The following SLC25A21 variants were observed in gnomAD, a reference collection of about 807,000 sequenced individuals.
SLC25A21 encodes mitochondrial 2-oxodicarboxylate carrier.
SLC25A21 carries 47 observed loss-of-function variants against 43.8 expected under a neutral mutation model. That is an observed-to-expected ratio of 1.07 (90% confidence interval 0.85 to 1.37). The LOEUF is 1.37. Among genes scored for constraint, SLC25A21 ranks in the 40% most tolerant of loss-of-function variants. The probability of loss-of-function intolerance (pLI) is 0.00; values close to 1 mark genes in which losing one functional copy is unlikely to be tolerated. For missense variants in SLC25A21, 352 were observed against 350.2 expected, an observed-to-expected ratio of 1.00 and a Z score of -0.04; for synonymous variants, 131 against 121.3, an observed-to-expected ratio of 1.08 and a Z score of -0.52.
intron 2 of SLC25A21, among the ~76,000 whole-genome samples, chr14:36,844,119 A>G (rs77562269): frequency 9.2e-5 from 14 of 152,348 alleles, no homozygotes; most frequent in Non-Finnish European, 1.9e-4. Context: ...TTAGGTGGGC[A>G]TATAGGCAGA....
chr14:36,905,996 G>A (rs1048221646), intron 1 of SLC25A21, among the ~76,000 whole-genome samples: 6 of 152,114 alleles, frequency 3.9e-5, no homozygotes, highest in African/African-American at 1.4e-4. Flanking sequence ...GTCACCCAGG[G>A]TTTCCGTTAT....
Position 36,776,230 on chromosome 14 carries a change from C to CTTTTTTTTTTTTTTTTTTTTTT in SLC25A21, c.203+37687_203+37688insAAAAAAAAAAAAAAAAAAAAAA, listed in dbSNP as rs1328087696. On this transcript the variant is annotated intron_variant, in intron 3 of 9. Transcript: ENST00000331299. The stretch of plus-strand genomic sequence containing the variant: ...ACTGCTTTCTTTTTTCTTTTTCTTT[C>CTTTTTTTTTTTTTTTTTTTTTT]TTTCTTTCTTTTTTTTTTTTTTTTG... Among the ~76,000 whole-genome samples the CTTTTTTTTTTTTTTTTTTTTTT allele has an allele frequency of 1.7e-3, 119 of 70,784 alleles. 16 individuals are homozygous for CTTTTTTTTTTTTTTTTTTTTTT. The highest frequency in any genetic ancestry group is 2.6e-3 in the Admixed American group (16 of 6,062). The allele number at this position is 70,784 out of a possible 152,430, so 46.4% of individuals were successfully genotyped here.
intron 2 of SLC25A21, among the ~76,000 whole-genome samples, chr14:36,874,472 G>A (rs1001520447): frequency 2.6e-5 from 4 of 152,004 alleles, no homozygotes; most frequent in Non-Finnish European, 4.4e-5. Context: ...ACCATATTAT[G>A]CCCCTGCAGT....
At chr14:37,043,058 G>GT (rs752759850) in intron 1 of SLC25A21, among the ~76,000 whole-genome samples, 14 of 152,282 alleles carry the variant, frequency 9.2e-5, no homozygotes, top group Non-Finnish European at 1.5e-4. Flanking sequence ...GCCCAAGTCA[G>GT]GACCCCACTG....
At chr14:36,689,649 T>C (rs1361259271) in intron 7 of SLC25A21, among the ~76,000 whole-genome samples, 1 of 152,128 alleles carries the variant, frequency 6.6e-6, no homozygotes, top group African/African-American at 2.4e-5. Flanking sequence ...CTCAACCATA[T>C]CCATGAACTC....
chr14:36,945,979 C>A (rs1022879567), intron 1 of SLC25A21, among the ~76,000 whole-genome samples: 9 of 152,078 alleles, frequency 5.9e-5, no homozygotes, highest in African/African-American at 2.2e-4. Context: ...AATATATAAA[C>A]ATAAGCAAGC....
chr14:36,887,468 C>T (rs978278533), intron 1 of SLC25A21, among the ~76,000 whole-genome samples: 5 of 150,398 alleles, frequency 3.3e-5, no homozygotes, highest in African/African-American at 1.2e-4. Context: ...GCAGCTGAAG[C>T]AGGAGAATCG....
At chr14:36,856,699 C>A (rs956568216) in intron 2 of SLC25A21, among the ~76,000 whole-genome samples, 1 of 152,136 alleles carries the variant, frequency 6.6e-6, no homozygotes, top group Non-Finnish European at 1.5e-5. Context: ...TAGCAGAGGC[C>A]GGCACGCAAG....
At chr14:36,975,251 G>A (rs1959842690) in intron 1 of SLC25A21, among the ~76,000 whole-genome samples, 1 of 152,124 alleles carries the variant, frequency 6.6e-6, no homozygotes, top group South Asian at 2.1e-4. Flanking sequence ...ATGACCAAAG[G>A]TTACCTATAA....
intron 3 of SLC25A21, among the ~76,000 whole-genome samples, chr14:36,775,936 T>C (rs555509626): frequency 1.3e-5 from 2 of 152,278 alleles, no homozygotes; most frequent in South Asian, 4.1e-4. Context: ...GCCTGGACAT[T>C]GGATCACCTG....
At chr14:37,031,950 C>A (rs1324633423) in intron 1 of SLC25A21, among the ~76,000 whole-genome samples, 2 of 152,106 alleles carry the variant, frequency 1.3e-5, no homozygotes, top group African/African-American at 4.8e-5. Flanking sequence ...AAGATGGGCT[C>A]CTTAAAGAAT....
At chr14:36,682,459 T>C (rs1882320595) in intron 9 of SLC25A21, among the ~76,000 whole-genome samples, 1 of 152,282 alleles carries the variant, frequency 6.6e-6, no homozygotes, top group South Asian at 2.1e-4. Flanking sequence ...AGCCAAACAT[T>C]TGCAAGCCTC....
intron 7 of SLC25A21, among the ~76,000 whole-genome samples, chr14:36,703,004 T>A (rs185200376): frequency 6.6e-6 from 1 of 152,340 alleles, no homozygotes. Context: ...TATTGTCACA[T>A]ATCCTGGAAT....
At chr14:36,789,516 A>T (rs2138395445) in intron 3 of SLC25A21, among the ~76,000 whole-genome samples, 1 of 151,614 alleles carries the variant, frequency 6.6e-6, no homozygotes, top group African/African-American at 2.4e-5. Flanking sequence ...TCTTCCTCAA[A>T]GAAAACAGGC....
At chr14:37,153,367 C>T (rs1468896833) in intron 1 of SLC25A21, among the ~76,000 whole-genome samples, 1 of 152,220 alleles carries the variant, frequency 6.6e-6, no homozygotes. Context: ...TGGGAGCATT[C>T]CCACAGCCAG....
intron 3 of SLC25A21, among the ~76,000 whole-genome samples, chr14:36,781,212 T>G (rs1419149594): frequency 6.6e-6 from 1 of 152,170 alleles, no homozygotes; most frequent in Non-Finnish European, 1.5e-5. Flanking sequence ...TATTGTGTCC[T>G]TAAAGCTAAA....
At chr14:37,162,063 T>C (rs2138950199) in intron 1 of SLC25A21, among the ~76,000 whole-genome samples, 1 of 151,622 alleles carries the variant, frequency 6.6e-6, no homozygotes, top group East Asian at 1.9e-4. Flanking sequence ...TGGAGTAATG[T>C]GTCCACAGGC....
chr14:36,851,789 T>C (rs941721794), intron 2 of SLC25A21, among the ~76,000 whole-genome samples: 1 of 152,218 alleles, frequency 6.6e-6, no homozygotes, highest in Non-Finnish European at 1.5e-5. Context: ...GCATTTTCAC[T>C]GAATTGCTAA....
At chr14:36,999,446 T>C (rs1960440076) in intron 1 of SLC25A21, among the ~76,000 whole-genome samples, 1 of 152,160 alleles carries the variant, frequency 6.6e-6, no homozygotes, top group Non-Finnish European at 1.5e-5. Flanking sequence ...TTTGGATACA[T>C]AACATTATAC....
Sources: gnomAD v4.1 joint callset for allele counts (sites outside exome capture counted in the v4.1 genomes callset) on GRCh38, gnomAD v4.1.1 for gene constraint, MANE v1.5 for transcripts, NCBI Gene and HGNC (gene_info 2026-07-23, HGNC 2026-07-21) for gene names.